The following ESRRG variants were observed in gnomAD, a reference collection of about 807,000 sequenced individuals.
ESRRG encodes the protein estrogen-related receptor gamma.
A neutral mutation model predicts 44.0 loss-of-function variants in ESRRG; 13 were observed. The ratio of observed to expected loss-of-function variants is 0.30; its 90% CI spans 0.19 to 0.47. The LOEUF (loss-of-function observed/expected upper bound fraction) is 0.47. Ranked by LOEUF, ESRRG falls within the 20% of genes least tolerant of loss-of-function variation. The probability of loss-of-function intolerance (pLI) is 1.00; values close to 1 mark genes in which losing one functional copy is unlikely to be tolerated. For synonymous variants in ESRRG, 215 were observed against 214.6 expected (o/e 1.00, Z -0.02); for missense variants, 395 against 580.6 (o/e 0.68, Z 3.29).
At chr1:216,794,192 C>G (rs1198799184) in intron 2 of ESRRG, among the ~76,000 whole-genome samples, 2 of 152,058 alleles carry the variant, frequency 1.3e-5, no homozygotes, top group African/African-American at 4.8e-5. Context: ...TAAGACATGA[C>G]AGCATGATGG....
chr1:216,732,887 T>A (rs2089151541), intron 2 of ESRRG, among the ~76,000 whole-genome samples: 1 of 151,566 alleles, frequency 6.6e-6, no homozygotes, highest in Non-Finnish European at 1.5e-5. Flanking sequence ...TCTCAATAAT[T>A]TCCCTTCTCT....
At chr1:216,924,979 G>T (rs1357789722) in intron 2 of ESRRG, among the ~76,000 whole-genome samples, 1 of 151,980 alleles carries the variant, frequency 6.6e-6, no homozygotes, top group African/African-American at 2.4e-5. Flanking sequence ...GTTTTCTTCT[G>T]TATCATCTGC....
At chr1:217,132,895 A>C (rs1212677121) in intron 1 of ESRRG, among the ~76,000 whole-genome samples, 1 of 152,120 alleles carries the variant, frequency 6.6e-6, no homozygotes, top group Non-Finnish European at 1.5e-5. Context: ...TCACTAACTG[A>C]TTTGGAAACA....
chr1:217,098,307 A>G (rs1424885505), intron 1 of ESRRG, among the ~76,000 whole-genome samples: 1 of 150,744 alleles, frequency 6.6e-6, no homozygotes, highest in African/African-American at 2.5e-5. Context: ...GTACATCATA[A>G]AACACTCATA....
intron 2 of ESRRG, among the ~76,000 whole-genome samples, chr1:216,827,051 G>T (rs927549991): frequency 2.6e-5 from 4 of 152,094 alleles, no homozygotes; most frequent in Non-Finnish European, 4.4e-5. Context: ...ATACAGTTCA[G>T]ATCTACAGAT....
intron 2 of ESRRG, among the ~76,000 whole-genome samples, chr1:216,786,989 G>A (rs1313683642): frequency 1.3e-5 from 2 of 152,064 alleles, no homozygotes; most frequent in Non-Finnish European, 2.9e-5. Context: ...CAAATGGAAG[G>A]TTTGTGGCAA....
intron 2 of ESRRG, among the ~76,000 whole-genome samples, chr1:216,737,788 AAC>A (rs1486179696): frequency 1.3e-5 from 2 of 152,004 alleles, no homozygotes; most frequent in East Asian, 1.9e-4. Context: ...AAAAAAAAAA[AAC>A]AATAAACTTA....
intron 2 of ESRRG, among the ~76,000 whole-genome samples, chr1:216,772,571 C>T (rs946640748): frequency 1.3e-5 from 2 of 152,152 alleles, no homozygotes; most frequent in African/African-American, 2.4e-5. Context: ...GCTGTCAAAA[C>T]ATATTCTTTG....
At chr1:216,746,929 AT>A (rs570494873) in intron 2 of ESRRG, among the ~76,000 whole-genome samples, 50 of 152,188 alleles carry the variant, frequency 3.3e-4, no homozygotes, top group African/African-American at 1.0e-3. Flanking sequence ...ATTTAACTTA[AT>A]TTTTTTCCTT....
chr1:216,864,683 C>T (rs1464930841), intron 2 of ESRRG: 3 of 151,770 alleles, frequency 2.0e-5, no homozygotes, highest in African/African-American at 4.9e-5. Flanking sequence ...CAGGAATAAA[C>T]GTGATCTTTC....
chr1:216,766,917 G>A (rs1200119945), intron 2 of ESRRG, among the ~76,000 whole-genome samples: 2 of 152,042 alleles, frequency 1.3e-5, no homozygotes, highest in African/African-American at 4.8e-5. Flanking sequence ...TTTGATTGTG[G>A]TTATTACATA....
At chr1:216,638,608 A>G (rs2065781591) in intron 3 of ESRRG, among the ~76,000 whole-genome samples, 1 of 152,186 alleles carries the variant, frequency 6.6e-6, no homozygotes. Context: ...GAAACTGAAT[A>G]TAAACGCTGG....
chr1:217,088,866 G>A (rs1307417452), intron 1 of ESRRG, among the ~76,000 whole-genome samples: 1 of 152,112 alleles, frequency 6.6e-6, no homozygotes, highest in Non-Finnish European at 1.5e-5. Flanking sequence ...GGCTCTAACA[G>A]ACTTGAGGGG....
intron 2 of ESRRG, among the ~76,000 whole-genome samples, chr1:216,875,395 T>A (rs1417919933): frequency 2.0e-5 from 3 of 152,130 alleles, no homozygotes; most frequent in African/African-American, 7.2e-5. Context: ...ATTTCTACCT[T>A]CTTCCCCAAA....
intron 3 of ESRRG, among the ~76,000 whole-genome samples, chr1:216,644,532 C>T (rs528797173): frequency 7.9e-4 from 119 of 151,474 alleles, no homozygotes; most frequent in Non-Finnish European, 1.3e-3. Flanking sequence ...AAGCTCAAGC[C>T]ATCCTCCCAC....
chr1:216,651,191 C>CA, intron 2 of ESRRG, 102 bp from the exon 3 acceptor site: 2 of 734,700 alleles, frequency 2.7e-6, no homozygotes, highest in South Asian at 1.5e-5. Context: ...TCTCCCACCC[C>CA]AAAAAATGTC....
chr1:217,077,378 G>T lies in ESRRG; in HGVS notation c.-106+12129C>A, dbSNP rs571165089. Among the ~76,000 whole-genome samples the T allele has an allele frequency of 1.5e-4, 23 of 152,290 alleles. No individual in the cohort carries two copies. The South Asian group carries it at 4.8e-3, about 32-fold the overall frequency. ...GGAGTTAATTGGAGTTATGAAAGTG[G>T]ACAAGCCGAGATTTGACTTAGAGCC... On this transcript the variant is annotated intron_variant, in intron 1 of 7. Coordinates refer to the ESRRG transcript ENST00000359162.
intron 2 of ESRRG, among the ~76,000 whole-genome samples, chr1:216,885,377 G>C (rs2096500262): frequency 6.6e-6 from 1 of 152,070 alleles, no homozygotes; most frequent in Admixed American, 6.6e-5. Context: ...GAGTTTCACA[G>C]ATTGGCTTCT....
chr1:216,759,594 G>A (rs910801795), intron 2 of ESRRG, among the ~76,000 whole-genome samples: 6 of 152,232 alleles, frequency 3.9e-5, no homozygotes, highest in Admixed American at 3.3e-4. Context: ...ATCAAAATCT[G>A]AAGCTCCTTA....
Sources: allele counts gnomAD v4.1 joint callset (sites outside exome capture counted in the v4.1 genomes callset), GRCh38; gene constraint gnomAD v4.1.1; transcripts MANE v1.5; gene names NCBI Gene and HGNC (gene_info 2026-07-23, HGNC 2026-07-21).